The following AK5 variants were observed in gnomAD, a reference collection of about 807,000 sequenced individuals.
AK5 encodes the protein adenylate kinase isoenzyme 5.
A neutral mutation model predicts 69.5 loss-of-function variants in AK5; 27 were observed. That is an observed-to-expected ratio of 0.39 (90% CI 0.29 to 0.54). The LOEUF is 0.54. Ranked by LOEUF, AK5 falls within the 20% of genes least tolerant of loss-of-function variation. The pLI is 0.71. For synonymous variants in AK5, 260 were observed against 244.4 expected (o/e 1.06, Z -0.60); for missense variants, 531 against 700.4 (o/e 0.76, Z 2.73).
chr1:77,475,420 A>G (rs1654840517), intron 8 of AK5, among the ~76,000 whole-genome samples: 1 of 15,236 alleles, frequency 6.6e-5, no homozygotes, highest in Non-Finnish European at 1.4e-4. Context: ...TATATATACT[A>G]TATATTATAT....
chr1:77,375,442 A>G (rs903404519), intron 6 of AK5, among the ~76,000 whole-genome samples: 3 of 152,114 alleles, frequency 2.0e-5, no homozygotes, highest in Admixed American at 6.6e-5. Context: ...AAAAGAAACA[A>G]TATCAAGTGG....
intron 10 of AK5, among the ~76,000 whole-genome samples, chr1:77,512,465 A>G (rs1335567501): frequency 6.6e-6 from 1 of 152,208 alleles, no homozygotes; most frequent in East Asian, 1.9e-4. Context: ...GCCAAGCACC[A>G]ATATTTTAAC....
intron 5 of AK5, among the ~76,000 whole-genome samples, chr1:77,318,512 G>A (rs543500502): frequency 2.6e-5 from 4 of 152,218 alleles, no homozygotes; most frequent in Admixed American, 6.5e-5. Context: ...CTGACTGGAA[G>A]AGAAATTCCT....
At chr1:77,289,697 A>G (rs1165594631) in intron 2 of AK5, among the ~76,000 whole-genome samples, 1 of 152,010 alleles carries the variant, frequency 6.6e-6, no homozygotes, top group Admixed American at 6.6e-5. Context: ...AGAGAGAAGA[A>G]CTAGAGAGAA....
At chr1:77,510,331 G>A (rs898813269) in intron 10 of AK5, among the ~76,000 whole-genome samples, 7 of 152,288 alleles carry the variant, frequency 4.6e-5, no homozygotes, top group East Asian at 3.9e-4. Context: ...GATGTTGGTC[G>A]TTGGTGTTAC....
At chr1:77,484,046 T>C (rs144917525) in intron 9 of AK5, among the ~76,000 whole-genome samples, 7,721 of 151,754 alleles carry the variant, frequency 0.051, 391 homozygotes, top group East Asian at 0.19. Context: ...ACACCTGTAA[T>C]CCCAGCTACT....
rs190253352 is a variant in AK5 at position 77,286,807 on chromosome 1, A to G, written c.61-134A>G. 7.2e-4 allele frequency: 339 copies of G among 468,644 alleles called. 3 individuals carry two copies. In the East Asian group the frequency reaches 0.012, roughly 17 times the overall value. The allele number at this position is 468,644 out of a possible 1,614,324, so 29.0% of individuals were successfully genotyped here. A position where few individuals can be genotyped will look rare whatever the true frequency, so the allele number is the denominator to read the frequency against. The stretch of plus-strand genomic sequence containing the variant: ...AGTTGCAGTGAGCCAAGATTGTGCC[A>G]CTGCACTCCAGCCTGGGCAGCAGAG... On this transcript the variant is annotated intron_variant, in intron 1 of 13. Coordinates refer to ENST00000354567, the MANE Select transcript of AK5 (RefSeq NM_174858.3).
At chr1:77,493,194 A>G (rs1356596985) in intron 10 of AK5, among the ~76,000 whole-genome samples, 1 of 151,852 alleles carries the variant, frequency 6.6e-6, no homozygotes, top group Non-Finnish European at 1.5e-5. Context: ...AGGAAGATCC[A>G]CCCTCACCAG....
intron 8 of AK5, among the ~76,000 whole-genome samples, chr1:77,418,081 G>A (rs977579779): frequency 5.3e-5 from 8 of 152,128 alleles, no homozygotes; most frequent in African/African-American, 7.2e-5. Flanking sequence ...CTATTTTATC[G>A]CTAACTGTAT....
chr1:77,442,187 T>C (rs919585029), intron 8 of AK5, among the ~76,000 whole-genome samples: 10 of 152,074 alleles, frequency 6.6e-5, no homozygotes, highest in Non-Finnish European at 1.0e-4. Flanking sequence ...AGCTTAGGGA[T>C]GTCAAGCCAT....
chr1:77,443,832 A>T (rs1285446963), intron 8 of AK5, among the ~76,000 whole-genome samples: 2 of 151,962 alleles, frequency 1.3e-5, no homozygotes, highest in Admixed American at 1.3e-4. Flanking sequence ...TGTGTAAGGT[A>T]TACAACATGA....
At chr1:77,517,594 G>A (rs887541732) in intron 10 of AK5, among the ~76,000 whole-genome samples, 8 of 152,056 alleles carry the variant, frequency 5.3e-5, no homozygotes, top group East Asian at 3.9e-4. Context: ...TACAGTAAGC[G>A]CTTGATAAAG....
At chr1:77,393,305 A>T (rs537534030) in intron 6 of AK5, among the ~76,000 whole-genome samples, 2 of 152,288 alleles carry the variant, frequency 1.3e-5, no homozygotes, top group East Asian at 3.9e-4. Flanking sequence ...AGGAAAAGCC[A>T]TTGAGACAGC....
intron 8 of AK5, among the ~76,000 whole-genome samples, chr1:77,419,295 T>C (rs570369093): frequency 6.6e-6 from 1 of 152,206 alleles, no homozygotes; most frequent in East Asian, 1.9e-4. Flanking sequence ...CAGAGGCTAA[T>C]GCAAAACAAC....
chr1:77,372,663 T>C (rs920836577), intron 6 of AK5, among the ~76,000 whole-genome samples: 1 of 152,164 alleles, frequency 6.6e-6, no homozygotes, highest in Admixed American at 6.5e-5. Context: ...AAATTACTCA[T>C]GCAAAAAGTA....
intron 10 of AK5, among the ~76,000 whole-genome samples, chr1:77,490,281 C>A (rs1238648289): frequency 1.3e-5 from 2 of 152,144 alleles, no homozygotes; most frequent in Admixed American, 1.3e-4. Flanking sequence ...TGAGAGCAAG[C>A]AAAAGCAACT....
At chr1:77,286,850 A>C in intron 1 of AK5, 91 bp from the exon 2 acceptor site, 2 of 880,300 alleles carry the variant, frequency 2.3e-6, no homozygotes. Flanking sequence ...CTATTTCAAA[A>C]AAATTAATTA....
chr1:77,467,292 C>G (rs1430621341), intron 8 of AK5, among the ~76,000 whole-genome samples: 1 of 152,206 alleles, frequency 6.6e-6, no homozygotes, highest in South Asian at 2.1e-4. Context: ...GTGGAGGCTC[C>G]TAGTTTCTCC....
At chr1:77,404,619 A>G (rs1407612855) in intron 6 of AK5, among the ~76,000 whole-genome samples, 2 of 152,188 alleles carry the variant, frequency 1.3e-5, no homozygotes, top group Non-Finnish European at 2.9e-5. Flanking sequence ...ATTAAAAGAA[A>G]AGTCCCATGC....
Sources: allele counts gnomAD v4.1 joint callset (sites outside exome capture counted in the v4.1 genomes callset), GRCh38; gene constraint gnomAD v4.1.1; transcripts MANE v1.5; gene names NCBI Gene and HGNC (gene_info 2026-07-23, HGNC 2026-07-21).